SYNDIG1: variants seen among roughly 807,000 people sequenced by gnomAD.
SYNDIG1 encodes synapse differentiation inducing 1, also known as synapse differentiation-inducing gene protein 1.
SYNDIG1 carries 9 observed loss-of-function variants against 19.4 expected under a neutral mutation model. That is an observed-to-expected ratio of 0.46 (90% CI 0.28 to 0.81). The LOEUF (loss-of-function observed/expected upper bound fraction) is 0.81, where lower values mean the gene tolerates loss of function less well. Among genes scored for constraint, SYNDIG1 ranks in the 30% least tolerant of loss-of-function variants. The probability of loss-of-function intolerance (pLI) is 0.12; values close to 1 mark genes in which losing one functional copy is unlikely to be tolerated. For synonymous variants in SYNDIG1, 141 were observed against 145.9 expected (o/e 0.97, Z 0.24); for missense variants, 311 against 343.3 (o/e 0.91, Z 0.74).
At chr20:24,525,356 A>G (rs1160854216) in intron 1 of SYNDIG1, among the ~76,000 whole-genome samples, 1 of 141,368 alleles carries the variant, frequency 7.1e-6, no homozygotes, top group Non-Finnish European at 1.5e-5. Flanking sequence ...CAGTGGCACG[A>G]TCTTGGCTCA....
At chr20:24,594,204 G>A (rs770075939) in intron 3 of SYNDIG1, among the ~76,000 whole-genome samples, 14 of 151,990 alleles carry the variant, frequency 9.2e-5, no homozygotes, top group South Asian at 2.1e-4. Context: ...GAATTCATTC[G>A]TGTATACAGT....
intron 1 of SYNDIG1, among the ~76,000 whole-genome samples, chr20:24,533,851 G>A (rs2057309930): frequency 1.3e-5 from 2 of 152,190 alleles, no homozygotes; most frequent in African/African-American, 4.8e-5. Flanking sequence ...CACGGATTCA[G>A]CCCCTGTGTT....
At chr20:24,582,565 C>A (rs1002378773) in intron 2 of SYNDIG1, among the ~76,000 whole-genome samples, 1 of 151,502 alleles carries the variant, frequency 6.6e-6, no homozygotes, top group African/African-American at 2.4e-5. Context: ...ACCGCACGTC[C>A]TTTTTGCAGA....
intron 1 of SYNDIG1, among the ~76,000 whole-genome samples, chr20:24,512,154 T>TATATAAAA (rs1412172650): frequency 8.9e-6 from 1 of 111,984 alleles, no homozygotes; most frequent in Non-Finnish European, 1.8e-5. Context: ...TATATATATA[T>TATATAAAA]GCAGTGGTTC....
intron 3 of SYNDIG1, among the ~76,000 whole-genome samples, chr20:24,618,173 G>C (rs1600758214): frequency 7.5e-6 from 1 of 134,224 alleles, no homozygotes; most frequent in African/African-American, 2.8e-5. Flanking sequence ...GGAAGGGGGA[G>C]ACCCTGGGGA....
chr20:24,542,929 G>T, intron 1 of SYNDIG1, 91 bp from the exon 2 acceptor site: 5 of 960,906 alleles, frequency 5.2e-6, no homozygotes, highest in South Asian at 1.7e-5. Context: ...TTATCAGCTG[G>T]CTGGTACAGT....
intron 1 of SYNDIG1, among the ~76,000 whole-genome samples, chr20:24,472,453 T>C (rs150259950): frequency 3.3e-5 from 5 of 152,358 alleles, no homozygotes; most frequent in Non-Finnish European, 7.3e-5. Flanking sequence ...GAGTTATTTT[T>C]CTCATTAATT....
intron 3 of SYNDIG1, among the ~76,000 whole-genome samples, chr20:24,586,755 G>A (rs542056015): frequency 1.3e-5 from 2 of 152,314 alleles, no homozygotes; most frequent in South Asian, 4.1e-4. Context: ...CAGAGTGCTG[G>A]GTGGATGGAA....
intron 3 of SYNDIG1, among the ~76,000 whole-genome samples, chr20:24,651,306 T>G (rs1212889210): frequency 6.6e-6 from 1 of 152,200 alleles, no homozygotes; most frequent in East Asian, 1.9e-4. Context: ...CATTCAGTGC[T>G]GATAAAGGCC....
intron 3 of SYNDIG1, among the ~76,000 whole-genome samples, chr20:24,631,258 C>T (rs758635723): frequency 1.6e-4 from 24 of 152,138 alleles, no homozygotes; most frequent in Non-Finnish European, 3.4e-4. Flanking sequence ...GGTTGGAAAC[C>T]GTGGCCTGGC....
chr20:24,618,261 G>C (rs1488716453), intron 3 of SYNDIG1, among the ~76,000 whole-genome samples: 1 of 149,602 alleles, frequency 6.7e-6, no homozygotes, highest in Non-Finnish European at 1.5e-5. Context: ...CGGGAGGGGG[G>C]AGAGTCCCGG....
At chr20:24,603,717 C>A (rs966485908) in intron 3 of SYNDIG1, among the ~76,000 whole-genome samples, 1 of 152,174 alleles carries the variant, frequency 6.6e-6, no homozygotes, top group Admixed American at 6.5e-5. Context: ...TGTCAGAAAG[C>A]AGCATATGGA....
rs569046559 is a variant in SYNDIG1 at position 24,515,005 on chromosome 20, T to C, written c.-78-28015T>C. ...ACAGCTCAACTACATGGAAACTGAA[T>C]AACCTGCTCCTGAATGACTACTGGG... On this transcript the variant is annotated intron_variant, in intron 1 of 3. Coordinates refer to ENST00000376862, the MANE Select transcript of SYNDIG1 (RefSeq NM_024893.3). 2.8e-3 allele frequency among the ~76,000 whole-genome samples: 425 copies of C among 152,268 alleles called. 1 individual carries two copies. Among genetic ancestry groups the C allele is most frequent in the Non-Finnish European group, 4.0e-3 (275 of 68,016 alleles).
At chr20:24,651,469 C>T (rs927483719) in intron 3 of SYNDIG1, among the ~76,000 whole-genome samples, 5 of 152,084 alleles carry the variant, frequency 3.3e-5, no homozygotes, top group African/African-American at 4.8e-5. Flanking sequence ...GGCAGAGAAA[C>T]GACCACACAT....
At chr20:24,619,595 G>A (rs1390931098) in intron 3 of SYNDIG1, among the ~76,000 whole-genome samples, 1 of 152,194 alleles carries the variant, frequency 6.6e-6, no homozygotes, top group East Asian at 1.9e-4. Context: ...GCAAGTGCAT[G>A]CACACACATA....
At chr20:24,487,229 A>C (rs1487692654) in intron 1 of SYNDIG1, among the ~76,000 whole-genome samples, 1 of 152,222 alleles carries the variant, frequency 6.6e-6, no homozygotes. Context: ...TGGGTCAAGA[A>C]ATATAATATG....
At chr20:24,648,231 A>C (rs2059439151) in intron 3 of SYNDIG1, among the ~76,000 whole-genome samples, 1 of 152,220 alleles carries the variant, frequency 6.6e-6, no homozygotes. Flanking sequence ...GCAATGAAGA[A>C]GCAAACTCAG....
At chr20:24,530,009 A>ATGGTGGTGGTGACGGTAGTACTCCTGGTG (rs1568614830) in intron 1 of SYNDIG1, among the ~76,000 whole-genome samples, 1 of 9,830 alleles carries the variant, frequency 1.0e-4, no homozygotes, top group Non-Finnish European at 2.2e-4. Context: ...TGGTGGGGAT[A>ATGGTGGTGGTGACGGTAGTACTCCTGGTG]ATGATGGTGA....
At chr20:24,657,301 A>T (rs2059536030) in intron 3 of SYNDIG1, among the ~76,000 whole-genome samples, 1 of 152,184 alleles carries the variant, frequency 6.6e-6, no homozygotes, top group African/African-American at 2.4e-5. Flanking sequence ...ATGTTGTTAT[A>T]TGGTGATGTC....
Sources: allele counts gnomAD v4.1 joint callset (sites outside exome capture counted in the v4.1 genomes callset), GRCh38; gene constraint gnomAD v4.1.1; transcripts MANE v1.5; gene names NCBI Gene and HGNC (gene_info 2026-07-23, HGNC 2026-07-21).